TBCE: variants seen among roughly 807,000 people sequenced by gnomAD.
The protein encoded by TBCE is tubulin-specific chaperone E.
Under a neutral mutation model 77.0 loss-of-function variants are expected in TBCE, and 53 were observed. The ratio of observed to expected loss-of-function variants is 0.69; its 90% confidence interval spans 0.55 to 0.87. TBCE has a LOEUF of 0.87. TBCE is among the 40% of genes least tolerant of loss of function. The pLI is 0.00. For synonymous variants in TBCE, 235 were observed against 241.3 expected (o/e 0.97, Z 0.24); for missense variants, 624 against 622.4 (o/e 1.00, Z -0.03).
At chr1:235,442,956 G>A in intron 15 of TBCE, 45 bp downstream of exon 15, 1 of 1,594,300 alleles carries the variant, frequency 6.3e-7, no homozygotes, top group Non-Finnish European at 8.6e-7. Context: ...TGAATCATCG[G>A]CCTAGGTATG....
intron 8 of TBCE, among the ~76,000 whole-genome samples, chr1:235,434,996 CCTAA>C (rs1470768540): frequency 3.9e-5 from 6 of 151,964 alleles, no homozygotes; most frequent in Non-Finnish European, 8.8e-5. Flanking sequence ...GTAAAATTAA[CCTAA>C]CTGTGGGAAA....
At chr1:235,415,034 C>A in intron 4 of TBCE, 1 of 244,410 alleles carries the variant, frequency 4.1e-6, no homozygotes, top group South Asian at 5.2e-5. Context: ...GTTCTCACCT[C>A]GGGCTGCACA....
At chr1:235,408,719 G>A (rs6704046) in intron 3 of TBCE, among the ~76,000 whole-genome samples, 21,479 of 152,122 alleles carry the variant, frequency 0.14, 1,897 homozygotes, top group African/African-American at 0.24. Flanking sequence ...GCTGAACACT[G>A]CACGAAAGCT....
intron 3 of TBCE, among the ~76,000 whole-genome samples, chr1:235,408,821 T>G (rs1222420927): frequency 6.6e-6 from 1 of 152,036 alleles, no homozygotes; most frequent in African/African-American, 2.4e-5. Flanking sequence ...TCAACAGTAT[T>G]TATTAGAAAC....
rs552769447 is a variant in TBCE at position 235,438,577 on chromosome 1, A to C, written c.1117-192A>C. Among the ~76,000 whole-genome samples, 8 of 151,720 alleles carry C rather than the reference A, an allele frequency of 5.3e-5. No individual in the cohort carries two copies. The South Asian group carries it at 1.7e-3, about 32-fold the overall frequency. On this transcript the variant is annotated intron_variant, in intron 12 of 16. Transcript: ENST00000642610. ...TAAAAAAAAAAAGAGTGTAAAACTG[A>C]AATTCTTTTTTCTTTTCTAATAAAC...
Position 235,426,184 on chromosome 1 carries a change from T to C in TBCE, c.461-956T>C, listed in dbSNP as rs77353768. Among the ~76,000 whole-genome samples, 629 of 152,354 alleles carry C rather than the reference T, an allele frequency of 4.1e-3. 7 individuals carry two copies. Among genetic ancestry groups the C allele is most frequent in the Middle Eastern group, 0.01 (3 of 294 alleles). The stretch of plus-strand genomic sequence containing the variant: ...TCTCTGCGGGGACCTGGCTAAGCTG[T>C]GCCCCTTCCTGATGGTGCTGCACCT... On this transcript the variant is annotated intron_variant, in intron 5 of 16. Transcript: ENST00000642610.
At chr1:235,424,118 C>A (rs766822162) in intron 5 of TBCE, among the ~76,000 whole-genome samples, 8 of 152,054 alleles carry the variant, frequency 5.3e-5, no homozygotes, top group African/African-American at 1.7e-4. Context: ...GATTTTGGAT[C>A]GAGGATGACT....
chr1:235,442,525 A>G (rs1030404259), intron 14 of TBCE, among the ~76,000 whole-genome samples: 1 of 152,162 alleles, frequency 6.6e-6, no homozygotes, highest in Non-Finnish European at 1.5e-5. Context: ...TGTAACTCCT[A>G]TGTTTTAAAC....
At chr1:235,447,673 G>C (rs1682481478) in intron 15 of TBCE, among the ~76,000 whole-genome samples, 1 of 152,196 alleles carries the variant, frequency 6.6e-6, no homozygotes, top group Non-Finnish European at 1.5e-5. Flanking sequence ...TAATTCATAA[G>C]GAAGTCATCA....
chr1:235,404,589 T>A (rs964514391), intron 3 of TBCE, among the ~76,000 whole-genome samples: 1 of 152,170 alleles, frequency 6.6e-6, no homozygotes, highest in African/African-American at 2.4e-5. Context: ...AGCCTTAGGC[T>A]ACACTAAACT....
intron 13 of TBCE, chr1:235,439,124 C>G (rs1238523116): frequency 3.1e-6 from 2 of 648,210 alleles, no homozygotes; most frequent in Non-Finnish European, 2.7e-6. Context: ...GCAGGAGGAA[C>G]CTGGGAGACT....
chr1:235,421,616 G>A (rs929639683), intron 5 of TBCE, among the ~76,000 whole-genome samples: 4 of 152,038 alleles, frequency 2.6e-5, no homozygotes, highest in African/African-American at 9.7e-5. Flanking sequence ...GCTGAGGCAG[G>A]GAGAATTGCT....
intron 1 of TBCE, among the ~76,000 whole-genome samples, chr1:235,368,995 A>C (rs1371426280): frequency 2.0e-5 from 3 of 151,760 alleles, no homozygotes; most frequent in Non-Finnish European, 2.9e-5. Context: ...AATCCTATGG[A>C]CTCTCCACCT....
rs71174415 is a variant in TBCE at position 235,370,734 on chromosome 1, C to CCTTTCTTGT, written c.-32+3233_-32+3234insTCTTGTCTT. ...CTTCATATTTTTATGCTTTTTTCCT[C>CCTTTCTTGT]CTTGTCTTTTCTTTTTTTTTTTTTT... On this transcript the variant is annotated intron_variant, in intron 1 of 16. Transcript: ENST00000642610. 4.1e-5 allele frequency among the ~76,000 whole-genome samples: 6 copies of CCTTTCTTGT among 145,926 alleles called. 1 individual carries two copies. The highest frequency in any genetic ancestry group is 5.1e-5 in the African/African-American group (2 of 39,068).
At chr1:235,398,674 A>G (rs547829586) in intron 2 of TBCE, among the ~76,000 whole-genome samples, 2 of 144,924 alleles carry the variant, frequency 1.4e-5, no homozygotes, top group African/African-American at 5.0e-5. Context: ...GCTGGAGTGC[A>G]GTAGCACTAT....
intron 8 of TBCE, among the ~76,000 whole-genome samples, chr1:235,434,912 A>G (rs905213186): frequency 6.6e-6 from 1 of 152,138 alleles, no homozygotes; most frequent in African/African-American, 2.4e-5. Flanking sequence ...GTACCAAAGT[A>G]CATGTAAAAC....
intron 7 of TBCE, among the ~76,000 whole-genome samples, chr1:235,431,713 C>T (rs1433348456): frequency 6.8e-6 from 1 of 147,330 alleles, no homozygotes; most frequent in East Asian, 2.0e-4. Context: ...CACTCTGTTG[C>T]CCAAGGTGGA....
chr1:235,389,428 A>C (rs754649815), intron 2 of TBCE, among the ~76,000 whole-genome samples: 5 of 152,264 alleles, frequency 3.3e-5, no homozygotes, highest in Non-Finnish European at 7.4e-5. Flanking sequence ...CCTGGGTTCA[A>C]GTGATTCTCC....
chr1:235,440,108 C>T lies in TBCE; in HGVS notation c.1270+1186C>T, dbSNP rs146061067. Among the ~76,000 whole-genome samples, 13 of 151,798 alleles carry T rather than the reference C, an allele frequency of 8.6e-5. No individual in the cohort carries two copies. The East Asian group carries it at 2.4e-3, about 28-fold the overall frequency. Reference sequence around the variant, plus strand: ...GCCTCAGCCTCCCGAGTGGCTGGGACTACAGGCGCCCACCACCACACCCGG... The same window carrying T: ...GCCTCAGCCTCCCGAGTGGCTGGGATTACAGGCGCCCACCACCACACCCGG... On this transcript the variant is annotated intron_variant, in intron 13 of 16. Transcript: ENST00000642610.
Sources: allele counts gnomAD v4.1 joint callset (sites outside exome capture counted in the v4.1 genomes callset), GRCh38; gene constraint gnomAD v4.1.1; transcripts MANE v1.5; gene names NCBI Gene and HGNC (gene_info 2026-07-23, HGNC 2026-07-21).